The following DAB1 variants were observed in gnomAD, a reference collection of about 807,000 sequenced individuals.
The protein encoded by DAB1 is DAB adaptor protein 1.
DAB1 carries 15 observed loss-of-function variants against 64.6 expected under a neutral mutation model. The ratio of observed to expected loss-of-function variants is 0.23; its 90% CI spans 0.16 to 0.36. DAB1 has a LOEUF of 0.36. DAB1 is among the 10% of genes least tolerant of loss of function. The pLI, the probability that DAB1 is intolerant of heterozygous loss-of-function variation, is 1.00. For missense variants in DAB1, 596 were observed against 706.7 expected (o/e 0.84, Z 1.78); for synonymous variants, 235 against 251.9 (o/e 0.93, Z 0.64).
In DAB1 at chr1:58,381,975, T is replaced by TCAAA. The variant is rs879336047; in HGVS notation, n.258-38573_258-38572insTTTG. 7.5e-3 allele frequency among the ~76,000 whole-genome samples: 1,065 copies of TCAAA among 142,288 alleles called. 61 individuals are homozygous for TCAAA. Among genetic ancestry groups the TCAAA allele is most frequent in the Non-Finnish European group, 0.013 (871 of 65,488 alleles). 93.3% of individuals were successfully genotyped at this position (142,288 alleles called of 152,430 possible). ...AAAGAAGTGAGACTGAATGACACCA[T>TCAAA]GAAAGAAGAAACAGTAGATAGATAC... On this transcript the variant is annotated intron_variant and non_coding_transcript_variant, in intron 3 of 20. Transcript: ENST00000485760.
intron 2 of DAB1, among the ~76,000 whole-genome samples, chr1:57,265,384 G>A (rs1276550459): frequency 2.0e-5 from 3 of 152,138 alleles, no homozygotes; most frequent in Non-Finnish European, 4.4e-5. Flanking sequence ...TGACTACCCA[G>A]CCTAATGCGT....
chr1:57,708,662 A>G lies in DAB1; in HGVS notation n.552-58997T>C, dbSNP rs202059255. Reference sequence around the variant, plus strand: ...TCCCTGTGGGCCAGGGCTGGTCTGAAGGCTCCTGTCCTGGGTGCCAGCAGA... The same window carrying G: ...TCCCTGTGGGCCAGGGCTGGTCTGAGGGCTCCTGTCCTGGGTGCCAGCAGA... On this transcript the variant is annotated intron_variant and non_coding_transcript_variant, in intron 6 of 20. Coordinates refer to the DAB1 transcript ENST00000485760. Among the ~76,000 whole-genome samples the G allele has an allele frequency of 1.6e-4, 25 of 152,292 alleles. No individual in the cohort carries two copies. In the East Asian group the frequency reaches 4.8e-3, roughly 29 times the overall value.
chr1:57,704,513 AAC>A (rs1455532459), intron 6 of DAB1, among the ~76,000 whole-genome samples: 2 of 152,210 alleles, frequency 1.3e-5, no homozygotes, highest in African/African-American at 4.8e-5. Context: ...ACCATTTTCA[AAC>A]ACAAAGTAAT....
intron 5 of DAB1, among the ~76,000 whole-genome samples, chr1:57,925,531 G>A (rs1644866954): frequency 6.6e-6 from 1 of 152,106 alleles, no homozygotes; most frequent in South Asian, 2.1e-4. Flanking sequence ...TAGATACTGG[G>A]GCCACTGAAA....
intron 7 of DAB1, among the ~76,000 whole-genome samples, chr1:57,471,331 T>C (rs537011603): frequency 4.3e-4 from 65 of 152,158 alleles, no homozygotes; most frequent in Admixed American, 1.3e-3. Flanking sequence ...CTCTGTGTTA[T>C]TTTTTTTAAA....
chr1:57,502,817 A>T (rs989538030), intron 7 of DAB1, among the ~76,000 whole-genome samples: 2 of 152,216 alleles, frequency 1.3e-5, no homozygotes, highest in African/African-American at 4.8e-5. Context: ...GCTGTGAAGG[A>T]ATGCTGAAAT....
Position 57,015,310 on chromosome 1 carries a change from G to C in DAB1, c.1017C>G (p.Ile339Met). 6.2e-7 allele frequency: 1 copy of C among 1,614,092 alleles called. No homozygotes were observed. The highest frequency in any genetic ancestry group is 1.1e-5 in the South Asian group (1 of 91,070). The change falls in exon 12 of 15, where the codon ATC (isoleucine) becomes ATG (methionine). Residue 339 changes from isoleucine to methionine, a missense_variant. Ile to Met is a conservative substitution (Grantham distance 10). Transcript: ENST00000371236. ...VAQVMPGAQP[I>M]AWGQPGLFPA... ...GAAAGAGACCCGGCTGGCCCCATGC[G>C]ATGGGCTGAGCCCCCGGCATCACCT...
chr1:58,269,563 G>A (rs1661264195), intron 4 of DAB1, among the ~76,000 whole-genome samples: 1 of 113,208 alleles, frequency 8.8e-6, no homozygotes, highest in East Asian at 2.8e-4. Context: ...GGGTCAAATG[G>A]TATTTCTAGT....
At chr1:57,983,802 C>T (rs1490013633) in intron 5 of DAB1, among the ~76,000 whole-genome samples, 3 of 152,086 alleles carry the variant, frequency 2.0e-5, no homozygotes, top group Non-Finnish European at 2.9e-5. Flanking sequence ...CAAAGCAATC[C>T]TCAGTCAAGT....
At chr1:57,057,325 G>T (rs1405823270) in intron 9 of DAB1, among the ~76,000 whole-genome samples, 1 of 151,928 alleles carries the variant, frequency 6.6e-6, no homozygotes, top group Non-Finnish European at 1.5e-5. Flanking sequence ...CCCTCTTTTT[G>T]CCTGTCTCTC....
intron 14 of DAB1, among the ~76,000 whole-genome samples, chr1:57,005,614 A>G (rs2100243402): frequency 6.6e-6 from 1 of 152,348 alleles, no homozygotes; most frequent in Middle Eastern, 3.4e-3. Context: ...TTTTACAGAA[A>G]AGGAAACCAA....
intron 4 of DAB1, among the ~76,000 whole-genome samples, chr1:57,113,037 G>T (rs576100794): frequency 3.9e-5 from 6 of 152,196 alleles, no homozygotes; most frequent in African/African-American, 1.4e-4. Context: ...GGTAAGGGGA[G>T]GAAAAAGGGG....
chr1:57,535,552 TC>T (rs956419052), intron 7 of DAB1, among the ~76,000 whole-genome samples: 3 of 148,934 alleles, frequency 2.0e-5, no homozygotes, highest in African/African-American at 7.4e-5. Context: ...TCACTGAAAC[TC>T]CCTGGTTCAA....
At chr1:57,411,487 G>C (rs1488283195) in intron 1 of DAB1, among the ~76,000 whole-genome samples, 1 of 152,242 alleles carries the variant, frequency 6.6e-6, no homozygotes, top group East Asian at 1.9e-4. Context: ...AAATGCCAGA[G>C]TAGTGTGTCA....
At chr1:58,194,272 G>A (rs1657548869) in intron 4 of DAB1, among the ~76,000 whole-genome samples, 1 of 152,164 alleles carries the variant, frequency 6.6e-6, no homozygotes, top group African/African-American at 2.4e-5. Context: ...TTACCTATGT[G>A]ATATTTGCTA....
intron 4 of DAB1, among the ~76,000 whole-genome samples, chr1:58,209,622 T>A (rs1658452352): frequency 6.6e-6 from 1 of 152,112 alleles, no homozygotes; most frequent in Admixed American, 6.6e-5. Flanking sequence ...AGGCTAAATA[T>A]GTTTGATTGA....
At chr1:57,353,214 TC>T (rs1678746767) in intron 1 of DAB1, among the ~76,000 whole-genome samples, 1 of 151,778 alleles carries the variant, frequency 6.6e-6, no homozygotes, top group African/African-American at 2.4e-5. Context: ...AGTTTTGTCT[TC>T]CACCAACTTT....
chr1:57,110,096 A>G, intron 4 of DAB1, among the ~76,000 whole-genome samples: 1 of 152,340 alleles, frequency 6.6e-6, no homozygotes, highest in Non-Finnish European at 1.5e-5. Flanking sequence ...GGCTATAAGT[A>G]AAGTGGCCAC....
chr1:58,139,371 C>A (rs1654151779), intron 5 of DAB1, among the ~76,000 whole-genome samples: 1 of 152,144 alleles, frequency 6.6e-6, no homozygotes, highest in South Asian at 2.1e-4. Flanking sequence ...AACTGACTTG[C>A]AGTTCTGCAA....
Sources: allele counts gnomAD v4.1 joint callset (sites outside exome capture counted in the v4.1 genomes callset), GRCh38; gene constraint gnomAD v4.1.1; transcripts MANE v1.5; gene names NCBI Gene and HGNC (gene_info 2026-07-23, HGNC 2026-07-21).